The following PTPRM variants were observed in gnomAD, a reference collection of about 807,000 sequenced individuals.
PTPRM encodes the protein protein tyrosine phosphatase receptor type M, also known as receptor-type tyrosine-protein phosphatase mu.
In PTPRM, 47 loss-of-function variants were observed where a neutral mutation model predicts 186.7. The ratio of observed to expected loss-of-function variants is 0.25; its 90% CI spans 0.20 to 0.32. The LOEUF is 0.32. PTPRM is among the 10% of genes least tolerant of loss of function. The probability of loss-of-function intolerance (pLI) is 1.00; values close to 1 mark genes in which losing one functional copy is unlikely to be tolerated. For missense variants in PTPRM, 1,494 were observed against 1,865.0 expected (o/e 0.80, Z 3.66); for synonymous variants, 668 against 674.9 (o/e 0.99, Z 0.16).
intron 14 of PTPRM, among the ~76,000 whole-genome samples, chr18:8,154,133 C>G (rs2093070009): frequency 6.6e-6 from 1 of 152,156 alleles, no homozygotes. Flanking sequence ...GGTTTATCTT[C>G]CAGCTACATG....
At chr18:8,286,493 A>T (rs755521926) in intron 19 of PTPRM, among the ~76,000 whole-genome samples, 1 of 152,174 alleles carries the variant, frequency 6.6e-6, no homozygotes, top group Non-Finnish European at 1.5e-5. Flanking sequence ...TTAGAATCTC[A>T]TATTTACTCT....
At chr18:7,912,245 A>G (rs1395865807) in intron 4 of PTPRM, among the ~76,000 whole-genome samples, 1 of 152,176 alleles carries the variant, frequency 6.6e-6, no homozygotes, top group Non-Finnish European at 1.5e-5. Flanking sequence ...TCTTTTGCAT[A>G]TGGATATGCA....
At chr18:7,619,970 G>A (rs1361002432) in intron 1 of PTPRM, among the ~76,000 whole-genome samples, 1 of 152,186 alleles carries the variant, frequency 6.6e-6, no homozygotes, top group African/African-American at 2.4e-5. Flanking sequence ...CCAGCTGATG[G>A]CCAGTGGGCA....
intron 14 of PTPRM, 76 bp from the exon 15 acceptor site, chr18:8,243,982 C>A: frequency 7.3e-7 from 1 of 1,376,286 alleles, no homozygotes; most frequent in Non-Finnish European, 1.0e-6. Context: ...TATTCCTGAA[C>A]ATCTGTCAAT....
chr18:8,018,159 T>A (rs748258792), intron 7 of PTPRM: 7 of 152,026 alleles, frequency 4.6e-5, no homozygotes, highest in African/African-American at 1.7e-4. Context: ...TAACGGCATT[T>A]ATGGAGACTC....
At chr18:8,103,871 A>G (rs555204160) in intron 11 of PTPRM, among the ~76,000 whole-genome samples, 10 of 152,172 alleles carry the variant, frequency 6.6e-5, no homozygotes, top group Non-Finnish European at 1.3e-4. Flanking sequence ...ATTTAAGGTG[A>G]GAGGCTTGCA....
chr18:8,153,520 T>C (rs2093057142), intron 14 of PTPRM, among the ~76,000 whole-genome samples: 1 of 152,218 alleles, frequency 6.6e-6, no homozygotes, highest in Non-Finnish European at 1.5e-5. Context: ...TGTGCCACTT[T>C]GGGATTTGCT....
chr18:7,987,556 C>T (rs149700791), intron 7 of PTPRM, among the ~76,000 whole-genome samples: 1 of 152,048 alleles, frequency 6.6e-6, no homozygotes, highest in Non-Finnish European at 1.5e-5. Context: ...TACAGCAAAC[C>T]GATCTCTGTT....
chr18:8,362,981 T>A (rs2095605842), intron 23 of PTPRM, among the ~76,000 whole-genome samples: 1 of 152,228 alleles, frequency 6.6e-6, no homozygotes, highest in South Asian at 2.1e-4. Context: ...GAGTTTGTTG[T>A]TTACACATCT....
At chr18:8,166,001 G>T (rs1317529413) in intron 14 of PTPRM, among the ~76,000 whole-genome samples, 3 of 152,174 alleles carry the variant, frequency 2.0e-5, no homozygotes, top group Non-Finnish European at 4.4e-5. Context: ...TTTCCATTCA[G>T]GGTATTCTTG....
intron 2 of PTPRM, among the ~76,000 whole-genome samples, chr18:7,877,224 A>G (rs2048290648): frequency 1.3e-5 from 2 of 152,204 alleles, no homozygotes; most frequent in South Asian, 4.1e-4. Context: ...ACTTGGTAGC[A>G]TCTAAGCATT....
chr18:7,707,447 A>G (rs2040118366), intron 1 of PTPRM, among the ~76,000 whole-genome samples: 1 of 151,862 alleles, frequency 6.6e-6, no homozygotes, highest in African/African-American at 2.4e-5. Flanking sequence ...CTTGTGCAAC[A>G]TAGTGAGAAC....
intron 14 of PTPRM, among the ~76,000 whole-genome samples, chr18:8,155,304 G>A (rs2146280877): frequency 6.6e-6 from 1 of 152,168 alleles, no homozygotes; most frequent in East Asian, 1.9e-4. Flanking sequence ...AATAGCTATA[G>A]ATCTTTCAGG....
At chr18:8,202,841 GTTTC>G (rs2093876644) in intron 14 of PTPRM, among the ~76,000 whole-genome samples, 1 of 151,974 alleles carries the variant, frequency 6.6e-6, no homozygotes, top group South Asian at 2.1e-4. Context: ...GCCGGTAGAC[GTTTC>G]TTTCTATTTG....
In PTPRM at chr18:8,238,651, G is replaced by GTTTTTTTT. The variant is rs71165776; in HGVS notation, c.2301-5381_2301-5374dup. Among the ~76,000 whole-genome samples, 46 of 25,764 alleles carry GTTTTTTTT rather than the reference G, an allele frequency of 1.8e-3. 6 individuals are homozygous for GTTTTTTTT. Among genetic ancestry groups the GTTTTTTTT allele is most frequent in the East Asian group, 7.5e-3 (5 of 670 alleles). 16.9% of individuals were successfully genotyped at this position (25,764 alleles called of 152,430 possible). On this transcript the variant is annotated intron_variant, in intron 14 of 32. Coordinates refer to ENST00000580170, the MANE Select transcript of PTPRM (RefSeq NM_001105244.2). Reference sequence around the variant, plus strand: ...TCTGTCTCTTCACACTGTTTTGTGTGTTTTTTTTTTTTTTTTTTTTTTTTT... The same window carrying GTTTTTTTT: ...TCTGTCTCTTCACACTGTTTTGTGTGTTTTTTTTTTTTTTTTTTTTTTTTTTTTTTTTT...
intron 19 of PTPRM, among the ~76,000 whole-genome samples, chr18:8,266,923 A>C (rs1247812694): frequency 6.6e-6 from 1 of 152,148 alleles, no homozygotes; most frequent in East Asian, 1.9e-4. Flanking sequence ...CAAAAAAAAA[A>C]GAATTCACCC....
At chr18:8,327,985 G>A (rs972037436) in intron 22 of PTPRM, among the ~76,000 whole-genome samples, 1 of 152,144 alleles carries the variant, frequency 6.6e-6, no homozygotes, top group Admixed American at 6.5e-5. Flanking sequence ...TAAAAATGTG[G>A]GGAGTGAAGG....
chr18:8,195,522 G>A (rs1484330115), intron 14 of PTPRM, among the ~76,000 whole-genome samples: 3 of 152,200 alleles, frequency 2.0e-5, no homozygotes, highest in Admixed American at 2.0e-4. Flanking sequence ...TATAAAGAAA[G>A]TATGGTATCT....
At chr18:7,704,222 A>G (rs1034145760) in intron 1 of PTPRM, among the ~76,000 whole-genome samples, 3 of 151,904 alleles carry the variant, frequency 2.0e-5, no homozygotes, top group African/African-American at 7.2e-5. Flanking sequence ...TTTTTCTTTT[A>G]TTTGGAATAG....
Sources: gnomAD v4.1 joint callset for allele counts (sites outside exome capture counted in the v4.1 genomes callset) on GRCh38, gnomAD v4.1.1 for gene constraint, MANE v1.5 for transcripts, NCBI Gene and HGNC (gene_info 2026-07-23, HGNC 2026-07-21) for gene names.